ANKRD55: variants seen among roughly 807,000 people sequenced by gnomAD.
The protein encoded by ANKRD55 is ankyrin repeat domain-containing protein 55.
ANKRD55 carries 41 observed loss-of-function variants against 60.6 expected under a neutral mutation model. The ratio of observed to expected loss-of-function variants is 0.68; its 90% CI spans 0.53 to 0.88. ANKRD55 has a LOEUF of 0.88. Among genes scored for constraint, ANKRD55 ranks in the 40% least tolerant of loss-of-function variants. The probability of loss-of-function intolerance (pLI) is 0.00; values close to 1 mark genes in which losing one functional copy is unlikely to be tolerated. For synonymous variants in ANKRD55, 264 were observed against 290.3 expected (o/e 0.91, Z 0.92); for missense variants, 732 against 767.6 (o/e 0.95, Z 0.55).
chr5:56,177,114 T>C (rs1489102312), intron 3 of ANKRD55, among the ~76,000 whole-genome samples: 2 of 152,152 alleles, frequency 1.3e-5, no homozygotes, highest in African/African-American at 4.8e-5. Context: ...TGTGGCTGAG[T>C]CTTAACTTCT....
In ANKRD55 at chr5:56,135,294, G is replaced by GCCTGCCTT. The variant is rs1757546881; in HGVS notation, c.613-8189_613-8188insAAGGCAGG. 8.3e-5 allele frequency among the ~76,000 whole-genome samples: 7 copies of GCCTGCCTT among 84,462 alleles called. 1 individual carries two copies. In the South Asian group the frequency reaches 2.1e-3, roughly 26 times the overall value. The allele number at this position is 84,462 out of a possible 152,430, so 55.4% of individuals were successfully genotyped here. A position where few individuals can be genotyped will look rare whatever the true frequency, so the allele number is the denominator to read the frequency against. On this transcript the variant is annotated intron_variant, in intron 7 of 11. Transcript: ENST00000341048. ...TCCCTCCCTCCCTGCCTGCCTGCTT[G>GCCTGCCTT]CTTTCTTTCTTTCTTTCTTTCTTTC...
intron 6 of ANKRD55, among the ~76,000 whole-genome samples, chr5:56,153,281 A>G (rs952922340): frequency 1.3e-5 from 2 of 152,164 alleles, no homozygotes; most frequent in Non-Finnish European, 2.9e-5. Context: ...CAACAACAAC[A>G]ACAACAACGA....
chr5:56,217,394 A>G (rs1243126901), intron 2 of ANKRD55, among the ~76,000 whole-genome samples: 1 of 152,228 alleles, frequency 6.6e-6, no homozygotes, highest in African/African-American at 2.4e-5. Flanking sequence ...CACAGGATCC[A>G]TTCTGCAGCC....
At chr5:56,102,404 G>T in intron 11 of ANKRD55, 90 bp downstream of exon 11, 92 of 859,278 alleles carry the variant, frequency 1.1e-4, no homozygotes, top group Non-Finnish European at 1.4e-4. Flanking sequence ...AAAAAAAAAA[G>T]AAAAATGAAA....
chr5:56,210,740 T>C (rs1759652532), intron 2 of ANKRD55, among the ~76,000 whole-genome samples: 1 of 152,230 alleles, frequency 6.6e-6, no homozygotes, highest in African/African-American at 2.4e-5. Flanking sequence ...GGATACTGCA[T>C]TTTTAAATTG....
At chr5:56,115,687 G>T (rs995260317) in intron 9 of ANKRD55, among the ~76,000 whole-genome samples, 1 of 151,966 alleles carries the variant, frequency 6.6e-6, no homozygotes, top group African/African-American at 2.4e-5. Context: ...ATAAAACAAT[G>T]CTGCTCTTCT....
chr5:56,116,402 C>A (rs1756888326), intron 9 of ANKRD55, among the ~76,000 whole-genome samples: 1 of 152,186 alleles, frequency 6.6e-6, no homozygotes. Context: ...TCACTACTAT[C>A]ATTTTGCTCC....
intron 2 of ANKRD55, among the ~76,000 whole-genome samples, chr5:56,186,351 A>G (rs1226549559): frequency 6.6e-6 from 1 of 152,060 alleles, no homozygotes; most frequent in Non-Finnish European, 1.5e-5. Context: ...TATTTTTTGT[A>G]GAGATGGGGT....
chr5:56,160,850 C>A (rs183616983), intron 5 of ANKRD55: 1 of 152,152 alleles, frequency 6.6e-6, no homozygotes, highest in Non-Finnish European at 1.5e-5. Context: ...GGGGGGCAGC[C>A]GAGCATAGTG....
intron 6 of ANKRD55, among the ~76,000 whole-genome samples, chr5:56,145,604 C>G: frequency 6.6e-6 from 1 of 152,222 alleles, no homozygotes; most frequent in South Asian, 2.1e-4. Flanking sequence ...TTAGCCAGCT[C>G]TGATAGGTGC....
chr5:56,166,093 T>TCTTTCTTTCTTC, intron 5 of ANKRD55, among the ~76,000 whole-genome samples: 1 of 20,654 alleles, frequency 4.8e-5, no homozygotes, highest in African/African-American at 1.4e-4. Context: ...TCTTTTTCTT[T>TCTTTCTTTCTTC]CTTTCTTTCT....
chr5:56,173,574 C>CTATATATA (rs1273889433), intron 4 of ANKRD55, among the ~76,000 whole-genome samples: 14 of 98,304 alleles, frequency 1.4e-4, no homozygotes, highest in Non-Finnish European at 2.1e-4. Flanking sequence ...CTCTCTCTCT[C>CTATATATA]TCTCTCTCTA....
intron 7 of ANKRD55, among the ~76,000 whole-genome samples, chr5:56,136,305 C>A (rs1036982055): frequency 3.3e-5 from 5 of 152,100 alleles, no homozygotes; most frequent in Admixed American, 1.3e-4. Flanking sequence ...GAATAGTCAA[C>A]AAGATAGTGG....
intron 5 of ANKRD55, among the ~76,000 whole-genome samples, chr5:56,166,162 C>CTTTCTTTCTTTCTTCT (rs1561277918): frequency 1.5e-5 from 1 of 65,154 alleles, no homozygotes; most frequent in African/African-American, 1.0e-4. Flanking sequence ...TTCTTCTTTC[C>CTTTCTTTCTTTCTTCT]TTCCTTCCTT....
chr5:56,105,862 G>A (rs1756447615), intron 10 of ANKRD55, among the ~76,000 whole-genome samples: 1 of 152,210 alleles, frequency 6.6e-6, no homozygotes, highest in African/African-American at 2.4e-5. Flanking sequence ...CTCTTTTGCA[G>A]GAGAAAGGAA....
At chr5:56,114,735 T>A (rs1756836609) in intron 9 of ANKRD55, among the ~76,000 whole-genome samples, 1 of 152,222 alleles carries the variant, frequency 6.6e-6, no homozygotes, top group Admixed American at 6.5e-5. Flanking sequence ...AGAATCCACA[T>A]TGCAATTAAC....
At chr5:56,127,926 A>G (rs1312084894) in intron 7 of ANKRD55, among the ~76,000 whole-genome samples, 1 of 152,050 alleles carries the variant, frequency 6.6e-6, no homozygotes, top group Non-Finnish European at 1.5e-5. Flanking sequence ...ACTTTGACCC[A>G]TTGTTTATAT....
intron 2 of ANKRD55, among the ~76,000 whole-genome samples, chr5:56,206,132 C>T (rs3846524): frequency 0.27 from 41,249 of 151,674 alleles, 7,893 homozygotes; most frequent in African/African-American, 0.54. Context: ...TGCACCACCA[C>T]GACTGGTTAA....
At chr5:56,207,029 T>C (rs2111866746) in intron 2 of ANKRD55, among the ~76,000 whole-genome samples, 2 of 152,330 alleles carry the variant, frequency 1.3e-5, no homozygotes, top group South Asian at 4.1e-4. Context: ...GTCTCGAAGA[T>C]GCTGTGTGAG....
Sources: allele counts gnomAD v4.1 joint callset (sites outside exome capture counted in the v4.1 genomes callset), GRCh38; gene constraint gnomAD v4.1.1; transcripts MANE v1.5; gene names NCBI Gene and HGNC (gene_info 2026-07-23, HGNC 2026-07-21).